Variants in SHANK2 observed in about 807,000 individuals in gnomAD.
The protein encoded by SHANK2 is SH3 and multiple ankyrin repeat domains protein 2.
Under a neutral mutation model 133.7 loss-of-function variants are expected in SHANK2, and 43 were observed. The observed-to-expected ratio is 0.32, with a 90% CI of 0.25 to 0.41. The LOEUF is 0.41. Ranked by LOEUF, SHANK2 falls within the 10% of genes least tolerant of loss-of-function variation. The pLI is 1.00. For missense variants in SHANK2, 1,994 were observed against 2,235.8 expected (o/e 0.89, Z 2.18); for synonymous variants, 1,017 against 952.8 (o/e 1.07, Z -1.24).
intron 1 of SHANK2, among the ~76,000 whole-genome samples, chr11:71,238,834 G>C (rs1288379687): frequency 6.6e-6 from 1 of 152,200 alleles, no homozygotes; most frequent in African/African-American, 2.4e-5. Flanking sequence ...TGCCACAGAG[G>C]ACTCTCCCCA....
intron 2 of SHANK2, among the ~76,000 whole-genome samples, chr11:71,221,768 G>C (rs566598960): frequency 6.6e-6 from 1 of 152,166 alleles, no homozygotes; most frequent in Non-Finnish European, 1.5e-5. Context: ...AGCAAGGGGA[G>C]GTGATCGGTA....
At chr11:70,848,485 T>A (rs1345398518) in intron 11 of SHANK2, among the ~76,000 whole-genome samples, 1 of 152,174 alleles carries the variant, frequency 6.6e-6, no homozygotes, top group East Asian at 1.9e-4. Context: ...AAACGCCAGA[T>A]CAAACAAAGC....
At chr11:70,534,584 C>T (rs1160864963) in intron 17 of SHANK2, among the ~76,000 whole-genome samples, 1 of 152,190 alleles carries the variant, frequency 6.6e-6, no homozygotes, top group Non-Finnish European at 1.5e-5. Context: ...TGGGACAAGG[C>T]CCCAGGTGTC....
chr11:70,876,805 C>T (rs552445302), intron 11 of SHANK2, among the ~76,000 whole-genome samples: 36 of 152,176 alleles, frequency 2.4e-4, no homozygotes, highest in African/African-American at 6.3e-4. Context: ...CTCTGAGCAA[C>T]GGTGGGGTAG....
At chr11:70,723,576 G>A (rs1369104813) in intron 14 of SHANK2, among the ~76,000 whole-genome samples, 1 of 152,220 alleles carries the variant, frequency 6.6e-6, no homozygotes, top group Non-Finnish European at 1.5e-5. Flanking sequence ...AGAAGGCTCA[G>A]CTAAAGCATG....
chr11:70,546,483 G>A (rs970016373), intron 17 of SHANK2, among the ~76,000 whole-genome samples: 4 of 152,216 alleles, frequency 2.6e-5, no homozygotes, highest in Non-Finnish European at 5.9e-5. Context: ...AGGAACTAGG[G>A]ACAGAGACCC....
chr11:70,772,488 G>A (rs1198560048), intron 14 of SHANK2, among the ~76,000 whole-genome samples: 1 of 151,620 alleles, frequency 6.6e-6, no homozygotes, highest in African/African-American at 2.4e-5. Flanking sequence ...AAGAGTGAAG[G>A]ACAGGCCATC....
intron 3 of SHANK2, among the ~76,000 whole-genome samples, chr11:71,137,917 A>T (rs1174312026): frequency 6.6e-6 from 1 of 152,172 alleles, no homozygotes; most frequent in Non-Finnish European, 1.5e-5. Context: ...CGCAGCTTCT[A>T]ACGGTAACGA....
At chr11:70,660,384 A>G (rs1242272949) in intron 16 of SHANK2, among the ~76,000 whole-genome samples, 2 of 152,240 alleles carry the variant, frequency 1.3e-5, no homozygotes, top group Admixed American at 1.3e-4. Flanking sequence ...AGGGAATTCA[A>G]CTTGGAACGC....
chr11:70,767,589 T>G (rs1446243007), intron 14 of SHANK2, among the ~76,000 whole-genome samples: 1 of 151,108 alleles, frequency 6.6e-6, no homozygotes, highest in Non-Finnish European at 1.5e-5. Context: ...TGGCACTGAG[T>G]GAAGGATGCC....
chr11:70,594,577 C>T (rs2060372516), intron 17 of SHANK2, among the ~76,000 whole-genome samples: 1 of 152,106 alleles, frequency 6.6e-6, no homozygotes, highest in Non-Finnish European at 1.5e-5. Flanking sequence ...GGAGAAGTAG[C>T]TTGGTGGTTG....
chr11:70,721,063 T>C (rs1295481502), intron 14 of SHANK2, among the ~76,000 whole-genome samples: 1 of 152,200 alleles, frequency 6.6e-6, no homozygotes, highest in African/African-American at 2.4e-5. Context: ...TGAGGTGAGA[T>C]CCCTGACTGA....
At chr11:70,507,113 T>G (rs2135856655) in intron 17 of SHANK2, among the ~76,000 whole-genome samples, 1 of 152,372 alleles carries the variant, frequency 6.6e-6, no homozygotes, top group South Asian at 2.1e-4. Context: ...GCCTCCCACT[T>G]GCATGCGGCA....
intron 17 of SHANK2, among the ~76,000 whole-genome samples, chr11:70,597,219 A>T (rs1174834489): frequency 3.3e-5 from 5 of 152,054 alleles, no homozygotes; most frequent in Non-Finnish European, 7.4e-5. Flanking sequence ...ACCCGCCGCC[A>T]GGGGAAACTC....
chr11:70,889,263 G>A (rs1369971667), intron 11 of SHANK2, among the ~76,000 whole-genome samples: 5 of 152,156 alleles, frequency 3.3e-5, no homozygotes, highest in East Asian at 3.8e-4. Context: ...AGACAGAGGC[G>A]GAGGCTGGGG....
chr11:71,232,158 A>G (rs1954751777), intron 1 of SHANK2, among the ~76,000 whole-genome samples: 1 of 152,194 alleles, frequency 6.6e-6, no homozygotes, highest in Admixed American at 6.5e-5. Context: ...ATTTCTGTAT[A>G]ATTACTGAAA....
intron 10 of SHANK2, among the ~76,000 whole-genome samples, chr11:70,953,862 A>T (rs1424763681): frequency 1.3e-5 from 2 of 152,034 alleles, no homozygotes; most frequent in Non-Finnish European, 2.9e-5. Context: ...GCCAGTTCCC[A>T]CTGAGAGCTG....
intron 14 of SHANK2, among the ~76,000 whole-genome samples, chr11:70,736,601 C>A (rs1260764291): frequency 2.0e-5 from 3 of 152,214 alleles, no homozygotes; most frequent in Non-Finnish European, 4.4e-5. Flanking sequence ...GGACCCTCCC[C>A]TAGCAACTGT....
chr11:71,077,410 C>T (rs1170703025), intron 8 of SHANK2, among the ~76,000 whole-genome samples: 1 of 152,154 alleles, frequency 6.6e-6, no homozygotes, highest in African/African-American at 2.4e-5. Flanking sequence ...AAAATAGGCT[C>T]AATGGGAAGA....
Sources: allele counts gnomAD v4.1 joint callset (sites outside exome capture counted in the v4.1 genomes callset), GRCh38; gene constraint gnomAD v4.1.1; transcripts MANE v1.5; gene names NCBI Gene and HGNC (gene_info 2026-07-23, HGNC 2026-07-21).